Variants in DGKG observed in about 807,000 individuals in gnomAD.
DGKG encodes the protein DAG kinase gamma.
Under a neutral mutation model 105.3 loss-of-function variants are expected in DGKG, and 78 were observed. The ratio of observed to expected loss-of-function variants is 0.74; its 90% CI spans 0.62 to 0.89. The LOEUF is 0.89. DGKG is among the 40% of genes least tolerant of loss of function. The pLI is 0.00. For synonymous variants in DGKG, 346 were observed against 367.1 expected, an observed-to-expected ratio of 0.94 and a Z score of 0.66; for missense variants, 958 against 1,020.1, an observed-to-expected ratio of 0.94 and a Z score of 0.83.
chr3:186,307,220 C>T (rs1724290829), intron 2 of DGKG, among the ~76,000 whole-genome samples: 1 of 152,190 alleles, frequency 6.6e-6, no homozygotes, highest in Admixed American at 6.5e-5. Flanking sequence ...CTACTCAAAA[C>T]CATTCAAGGG....
At chr3:186,297,981 A>T (rs1723672739) in intron 4 of DGKG, 83 bp downstream of exon 4, 2 of 1,468,488 alleles carry the variant, frequency 1.4e-6, no homozygotes, top group African/African-American at 2.8e-5. Flanking sequence ...TGTTCAGGGG[A>T]CCCTCTAGGA....
intron 20 of DGKG, among the ~76,000 whole-genome samples, chr3:186,232,068 T>C (rs1287540149): frequency 6.6e-6 from 1 of 152,194 alleles, no homozygotes; most frequent in Non-Finnish European, 1.5e-5. Flanking sequence ...GTTGAAAGGA[T>C]AAAATATTTT....
chr3:186,280,861 G>C (rs1044800013), intron 7 of DGKG, 117 bp from the exon 8 acceptor site: 2 of 771,624 alleles, frequency 2.6e-6, no homozygotes, highest in Non-Finnish European at 4.4e-6. Context: ...AAGAGAAGAA[G>C]CTGGTGCAGT....
chr3:186,174,181 T>C (rs1355666691), intron 22 of DGKG, among the ~76,000 whole-genome samples: 3 of 152,208 alleles, frequency 2.0e-5, no homozygotes, highest in Non-Finnish European at 4.4e-5. Flanking sequence ...AATAAGTCAC[T>C]GGCAGGGTTG....
intron 22 of DGKG, among the ~76,000 whole-genome samples, chr3:186,165,671 CAG>C (rs1716507166): frequency 6.6e-6 from 1 of 152,240 alleles, no homozygotes; most frequent in Non-Finnish European, 1.5e-5. Context: ...GGCTCAGGCT[CAG>C]AGTCACTCAG....
rs975385414 is a variant in DGKG at position 186,181,354 on chromosome 3, T to C, written c.2095+6848A>G. On this transcript the variant is annotated intron_variant, in intron 22 of 24. Transcript: ENST00000265022. Reference sequence around the variant, plus strand: ...CTCAGAGTGAACACTACCGAGGGTATCTGTCTCCCTGTCTTTGTTTACCAA... The same window carrying C: ...CTCAGAGTGAACACTACCGAGGGTACCTGTCTCCCTGTCTTTGTTTACCAA... Among the ~76,000 whole-genome samples, 8 of 152,184 alleles carry C rather than the reference T, an allele frequency of 5.3e-5. No homozygotes were observed. The South Asian group carries it at 1.5e-3, about 28-fold the overall frequency.
At chr3:186,299,770 T>C (rs554628926) in intron 3 of DGKG, among the ~76,000 whole-genome samples, 2 of 38,478 alleles carry the variant, frequency 5.2e-5, no homozygotes, top group East Asian at 7.1e-4. Flanking sequence ...TTCTTTTCTC[T>C]TTCTTTCTTT....
chr3:186,214,469 C>G (rs1488664634), intron 20 of DGKG, among the ~76,000 whole-genome samples: 5 of 151,862 alleles, frequency 3.3e-5, no homozygotes, highest in African/African-American at 7.2e-5. Context: ...TATAGTGAGG[C>G]AAAAATGACA....
At chr3:186,221,216 G>A (rs1719561535) in intron 20 of DGKG, among the ~76,000 whole-genome samples, 1 of 152,212 alleles carries the variant, frequency 6.6e-6, no homozygotes, top group South Asian at 2.1e-4. Context: ...GGAGAATGCT[G>A]AGGGGCAGGC....
chr3:186,255,946 T>A (rs1231720479), intron 17 of DGKG, among the ~76,000 whole-genome samples: 1 of 152,204 alleles, frequency 6.6e-6, no homozygotes, highest in Non-Finnish European at 1.5e-5. Context: ...TGTTTCTTCC[T>A]CCTTCTGTGA....
At chr3:186,342,197 G>A (rs1726122604) in intron 1 of DGKG, among the ~76,000 whole-genome samples, 1 of 152,126 alleles carries the variant, frequency 6.6e-6, no homozygotes, top group Admixed American at 6.5e-5. Flanking sequence ...ACATTAATGG[G>A]CTGAATAGTC....
At chr3:186,358,101 C>T (rs993114384) in intron 1 of DGKG, among the ~76,000 whole-genome samples, 1 of 152,244 alleles carries the variant, frequency 6.6e-6, no homozygotes, top group Non-Finnish European at 1.5e-5. Flanking sequence ...GTAAAGCATC[C>T]AGTACAGGAC....
intron 1 of DGKG, among the ~76,000 whole-genome samples, chr3:186,323,384 C>G (rs535602789): frequency 3.3e-5 from 5 of 152,186 alleles, no homozygotes; most frequent in Non-Finnish European, 5.9e-5. Context: ...ATTTAGTCCT[C>G]TTAATAACAT....
rs142421917 is a variant in DGKG, at chr3:186,162,906, C to T, written c.2217-1243G>A. Among the ~76,000 whole-genome samples the T allele has an allele frequency of 2.6e-4, 39 of 152,240 alleles. No individual in the cohort carries two copies. The East Asian group carries it at 7.5e-3, about 29-fold the overall frequency. On this transcript the variant is annotated intron_variant, in intron 23 of 24. Transcript: ENST00000265022. ...CTCTGGGGTTGCATGGACTGTGGGCCTGGCTTACCTGGGAAAGGGGGTCAT... is the reference window on the plus strand; with the variant it reads ...CTCTGGGGTTGCATGGACTGTGGGCTTGGCTTACCTGGGAAAGGGGGTCAT...
At chr3:186,224,602 A>G (rs1344069508) in intron 20 of DGKG, among the ~76,000 whole-genome samples, 2 of 152,176 alleles carry the variant, frequency 1.3e-5, no homozygotes, top group African/African-American at 2.4e-5. Flanking sequence ...AAATTTGGGA[A>G]TGAAATACTT....
chr3:186,316,402 C>G (rs1021406673), intron 2 of DGKG, among the ~76,000 whole-genome samples: 2 of 152,278 alleles, frequency 1.3e-5, no homozygotes, highest in African/African-American at 4.8e-5. Context: ...TGTATATGTG[C>G]TTGCATATTT....
At chr3:186,206,476 A>C (rs1718743772) in intron 21 of DGKG, among the ~76,000 whole-genome samples, 2 of 152,138 alleles carry the variant, frequency 1.3e-5, no homozygotes, top group South Asian at 2.1e-4. Context: ...ATGTAAAATA[A>C]GTGCTTGAGT....
chr3:186,312,506 C>A (rs1341084650), intron 2 of DGKG, among the ~76,000 whole-genome samples: 1 of 152,150 alleles, frequency 6.6e-6, no homozygotes, highest in African/African-American at 2.4e-5. Context: ...ACTGCTGAGG[C>A]TTGCCTGTCA....
chr3:186,185,520 C>T (rs1717582469), intron 22 of DGKG, among the ~76,000 whole-genome samples: 2 of 152,068 alleles, frequency 1.3e-5, no homozygotes, highest in Non-Finnish European at 2.9e-5. Context: ...AGAGCTTCCC[C>T]CAGCCCTAGG....
Sources: allele counts gnomAD v4.1 joint callset (sites outside exome capture counted in the v4.1 genomes callset), GRCh38; gene constraint gnomAD v4.1.1; transcripts MANE v1.5; gene names NCBI Gene and HGNC (gene_info 2026-07-23, HGNC 2026-07-21).